The following CNTN5 variants were observed in gnomAD, a reference collection of about 807,000 sequenced individuals.
CNTN5 encodes the protein contactin-5.
A neutral mutation model predicts 129.1 loss-of-function variants in CNTN5; 77 were observed. The observed-to-expected ratio is 0.60, with a 90% CI of 0.50 to 0.72. The LOEUF (loss-of-function observed/expected upper bound fraction) is 0.72, where lower values mean the gene tolerates loss of function less well. Ranked by LOEUF, CNTN5 falls within the 30% of genes least tolerant of loss-of-function variation. The pLI is 0.00. For missense variants in CNTN5, 1,478 were observed against 1,328.8 expected (o/e 1.11, Z -1.75); for synonymous variants, 509 against 465.6 (o/e 1.09, Z -1.20).
intron 2 of CNTN5, among the ~76,000 whole-genome samples, chr11:99,457,319 A>T (rs1367183162): frequency 6.6e-6 from 1 of 151,966 alleles, no homozygotes; most frequent in Non-Finnish European, 1.5e-5. Context: ...AGAAAGATGC[A>T]GCTCTCAGGG....
intron 3 of CNTN5, among the ~76,000 whole-genome samples, chr11:99,692,948 T>C (rs1198875460): frequency 2.0e-5 from 3 of 152,154 alleles, no homozygotes; most frequent in South Asian, 4.1e-4. Context: ...TAAATCCTGA[T>C]TGTGGAATCA....
chr11:100,315,467 T>C (rs747500010), intron 21 of CNTN5, among the ~76,000 whole-genome samples: 9 of 152,212 alleles, frequency 5.9e-5, no homozygotes, highest in Non-Finnish European at 1.0e-4. Context: ...GTCAGAATGA[T>C]GACAGCCAGA....
At chr11:99,602,897 A>ATTTTT (rs1950361096) in intron 3 of CNTN5, among the ~76,000 whole-genome samples, 1 of 126,996 alleles carries the variant, frequency 7.9e-6, no homozygotes, top group African/African-American at 3.1e-5. Context: ...CCTGTCTGTT[A>ATTTTT]GAAGGAAAAC....
In CNTN5 at chr11:99,245,483, A is replaced by G. The variant is rs144711605; in HGVS notation, c.-209-79863A>G. Among the ~76,000 whole-genome samples the G allele has an allele frequency of 3.3e-3, 502 of 152,040 alleles. 2 individuals are homozygous for G. The highest frequency in any genetic ancestry group is 0.012 in the African/African-American group (482 of 41,488). On this transcript the variant is annotated intron_variant, in intron 1 of 24. Coordinates refer to ENST00000524871, the MANE Select transcript of CNTN5 (RefSeq NM_014361.4). Reference sequence around the variant, plus strand: ...ACAAGCACTGCCTCCATGCCCGGCTAATTTTTTTTGTATTTTTATTAGAGA... The same window carrying G: ...ACAAGCACTGCCTCCATGCCCGGCTGATTTTTTTTGTATTTTTATTAGAGA...
chr11:99,729,223 G>A (rs1943447870), intron 3 of CNTN5, among the ~76,000 whole-genome samples: 1 of 152,080 alleles, frequency 6.6e-6, no homozygotes, highest in Non-Finnish European at 1.5e-5. Flanking sequence ...GGGAAAAGTG[G>A]GTGATGGGGG....
intron 9 of CNTN5, among the ~76,000 whole-genome samples, chr11:100,021,128 CTCTG>C (rs779832552): frequency 6.4e-4 from 97 of 152,170 alleles, no homozygotes; most frequent in African/African-American, 1.1e-3. Flanking sequence ...TTTAGCATTT[CTCTG>C]TCTTTCTGTT....
intron 13 of CNTN5, among the ~76,000 whole-genome samples, chr11:100,176,026 A>C (rs536200915): frequency 6.6e-6 from 1 of 152,062 alleles, no homozygotes; most frequent in African/African-American, 2.4e-5. Context: ...GGGATTCATA[A>C]CTTTTTTTTT....
chr11:99,162,582 A>G (rs1860669639), intron 1 of CNTN5, among the ~76,000 whole-genome samples: 1 of 152,190 alleles, frequency 6.6e-6, no homozygotes, highest in Non-Finnish European at 1.5e-5. Flanking sequence ...AAATTTTCTC[A>G]GTACAATATT....
intron 2 of CNTN5, among the ~76,000 whole-genome samples, chr11:99,508,443 T>C (rs17133656): frequency 0.27 from 41,080 of 151,978 alleles, 5,864 homozygotes; most frequent in Non-Finnish European, 0.3. Context: ...CCAGGGTTGT[T>C]GACTGAGTAC....
At chr11:99,963,785 C>T (rs945593806) in intron 8 of CNTN5, among the ~76,000 whole-genome samples, 1 of 152,156 alleles carries the variant, frequency 6.6e-6, no homozygotes, top group Non-Finnish European at 1.5e-5. Context: ...TCTTCCTACC[C>T]ATGAGCATGG....
intron 2 of CNTN5, among the ~76,000 whole-genome samples, chr11:99,465,741 G>T (rs139357076): frequency 2.6e-5 from 4 of 151,930 alleles, no homozygotes; most frequent in Non-Finnish European, 4.4e-5. Context: ...TTATGGTGCC[G>T]CAGGCTGCAC....
At chr11:99,111,685 C>G (rs12575370) in intron 1 of CNTN5, among the ~76,000 whole-genome samples, 1 of 151,586 alleles carries the variant, frequency 6.6e-6, no homozygotes, top group Non-Finnish European at 1.5e-5. Flanking sequence ...AATGTTTGCA[C>G]TGGAGTTTAT....
chr11:100,032,807 C>G (rs1331985144), intron 9 of CNTN5, among the ~76,000 whole-genome samples: 1 of 151,934 alleles, frequency 6.6e-6, no homozygotes, highest in Non-Finnish European at 1.5e-5. Flanking sequence ...TAGGTATAAT[C>G]AGTATAAAAG....
chr11:99,067,233 T>G (rs951897104), intron 1 of CNTN5, among the ~76,000 whole-genome samples: 10 of 152,300 alleles, frequency 6.6e-5, no homozygotes, highest in African/African-American at 2.4e-4. Flanking sequence ...CTTTTAGTTT[T>G]TGAAATACTC....
intron 15 of CNTN5, among the ~76,000 whole-genome samples, chr11:100,215,051 T>A (rs1438286748): frequency 6.6e-6 from 1 of 152,170 alleles, no homozygotes; most frequent in African/African-American, 2.4e-5. Flanking sequence ...AAGTCTAGAA[T>A]CCCCAGTGTG....
At chr11:99,787,965 G>A (rs566138684) in intron 3 of CNTN5, among the ~76,000 whole-genome samples, 171 of 151,890 alleles carry the variant, frequency 1.1e-3, no homozygotes, top group African/African-American at 4.0e-3. Context: ...ATAATTTCAG[G>A]TCAATTAAGA....
intron 6 of CNTN5, among the ~76,000 whole-genome samples, chr11:99,875,338 A>G (rs907174119): frequency 1.3e-5 from 2 of 151,968 alleles, no homozygotes; most frequent in African/African-American, 2.4e-5. Flanking sequence ...TAGTTCATAG[A>G]TTTGTTTGAA....
intron 2 of CNTN5, among the ~76,000 whole-genome samples, chr11:99,468,119 A>G (rs1431689365): frequency 6.6e-6 from 1 of 152,158 alleles, no homozygotes; most frequent in Non-Finnish European, 1.5e-5. Flanking sequence ...AGATACATAA[A>G]AGAAGAGAGT....
intron 19 of CNTN5, among the ~76,000 whole-genome samples, chr11:100,298,655 T>C (rs547244960): frequency 1.3e-5 from 2 of 151,502 alleles, no homozygotes; most frequent in South Asian, 2.1e-4. Flanking sequence ...ATCTAAGCCA[T>C]ATAGCACAAG....
Sources: gnomAD v4.1 joint callset for allele counts (sites outside exome capture counted in the v4.1 genomes callset) on GRCh38, gnomAD v4.1.1 for gene constraint, MANE v1.5 for transcripts, NCBI Gene and HGNC (gene_info 2026-07-23, HGNC 2026-07-21) for gene names.